Variants in ERBIN observed in about 807,000 individuals in gnomAD.
ERBIN encodes densin-180-like protein.
Under a neutral mutation model 158.4 loss-of-function variants are expected in ERBIN, and 60 were observed. The ratio of observed to expected loss-of-function variants is 0.38; its 90% CI spans 0.31 to 0.47. The LOEUF is 0.47. Among genes scored for constraint, ERBIN ranks in the 20% least tolerant of loss-of-function variants. ERBIN has a pLI of 0.99. For missense variants in ERBIN, 1,610 were observed against 1,648.0 expected (o/e 0.98, Z 0.40); for synonymous variants, 594 against 557.2 (o/e 1.07, Z -0.93).
intron 15 of ERBIN, among the ~76,000 whole-genome samples, chr5:66,041,458 T>C (rs1480033964): frequency 1.3e-5 from 2 of 151,970 alleles, no homozygotes; most frequent in African/African-American, 4.8e-5. Context: ...AGCTAAAATA[T>C]TAGAGTCCTC....
Position 66,054,758 on chromosome 5 carries a change from C to G in ERBIN, c.3440C>G (p.Pro1147Arg). The G allele has an allele frequency of 6.2e-7, 1 of 1,613,980 alleles. No homozygotes were observed. Among genetic ancestry groups the G allele is most frequent in the Non-Finnish European group, 8.5e-7 (1 of 1,179,978 alleles). The change falls in exon 21 of 26, where the codon CCC (proline) becomes CGC (arginine). Residue 1147 changes from proline to arginine, a missense_variant. Coordinates refer to ENST00000284037, the MANE Select transcript of ERBIN (RefSeq NM_001253697.2). ...PNASRPQSAR[P>R]SINEIPERTM... ...GCATCAAGACCTCAGAGTGCTCGAC[C>G]CTCTATTAATGAAATACCAGAGAGA...
At chr5:65,937,084 A>C (rs1470315386) in intron 1 of ERBIN, among the ~76,000 whole-genome samples, 1 of 152,208 alleles carries the variant, frequency 6.6e-6, no homozygotes, top group Non-Finnish European at 1.5e-5. Flanking sequence ...TGAAAAATTA[A>C]ATGTCAATTC....
chr5:65,965,395 T>G (rs1404349432), intron 1 of ERBIN, among the ~76,000 whole-genome samples: 13 of 6,818 alleles, frequency 1.9e-3, no homozygotes, highest in African/African-American at 3.7e-3. Context: ...TTTTTTTTTT[T>G]TTTTTTTTTT....
At chr5:66,032,131 CAA>C (rs1023443200) in intron 14 of ERBIN, among the ~76,000 whole-genome samples, 44 of 152,118 alleles carry the variant, frequency 2.9e-4, no homozygotes, top group African/African-American at 9.7e-4. Flanking sequence ...ATCATTGTGA[CAA>C]GAGTGTAACA....
intron 23 of ERBIN, 164 bp from the exon 24 acceptor site, chr5:66,076,152 A>G (rs1343763108): frequency 3.4e-6 from 2 of 596,196 alleles, no homozygotes; most frequent in Non-Finnish European, 5.8e-6. Flanking sequence ...CATTAACATA[A>G]TATTCTATGT....
intron 1 of ERBIN, among the ~76,000 whole-genome samples, chr5:65,952,087 A>G (rs1402971235): frequency 6.6e-6 from 1 of 152,242 alleles, no homozygotes; most frequent in Non-Finnish European, 1.5e-5. Context: ...GATGACTGCC[A>G]GACAGATGGC....
rs1485469870 is a variant in ERBIN at position 66,078,476 on chromosome 5, A to G, written c.4185A>G (p.Leu1395=). The G allele has an allele frequency of 3.1e-6, 5 of 1,599,366 alleles. No homozygotes were observed. Among genetic ancestry groups the G allele is most frequent in the Admixed American group, 1.8e-5 (1 of 55,808 alleles). Residue 1395 remains leucine, a synonymous_variant, in exon 26 of 26, where the codon CTA becomes CTG. Transcript: ENST00000284037. Reference sequence around the variant, plus strand: ...AACATGGACAAGCAGTGTCCTTGCTAAAAACTTTCCAGAATACAGTTGAAC... The same window carrying G: ...AACATGGACAAGCAGTGTCCTTGCTGAAAACTTTCCAGAATACAGTTGAAC... ...NIEHGQAVSL[L]KTFQNTVELI... is the part of the protein sequence containing the mutation.
chr5:66,053,996 A>G lies in ERBIN; in HGVS notation c.2678A>G (p.Gln893Arg), dbSNP rs936298412. Residue 893 changes from glutamine (Q) to arginine (R), a missense_variant, in exon 21 of 26, where the codon CAG (glutamine) becomes CGG (arginine). This residue lies in a region of ERBIN where 1,014 missense variants were observed against 936.1 expected (regional missense o/e 1.08). Transcript: ENST00000284037. ...IYDILSDNGPQQPSTTVKITS... is the reference protein window; with the variant it reads ...IYDILSDNGPRQPSTTVKITS... ...GATATTCTTAGTGATAATGGACCTC[A>G]GCAGCCAAGTACAACCGTTAAAATC... 2 of 1,614,172 alleles carry G rather than the reference A, an allele frequency of 1.2e-6. No individual in the cohort carries two copies.
rs1284761021 is a variant in ERBIN, at chr5:66,078,911, A to C, written c.*381A>C. The C allele has an allele frequency of 2.2e-5, 4 of 178,522 alleles. No homozygotes were observed. Among genetic ancestry groups the C allele is most frequent in the African/African-American group, 9.6e-5 (4 of 41,760 alleles). The allele number at this position is 178,522 out of a possible 1,614,324, so 11.1% of individuals were successfully genotyped here. A position where few individuals can be genotyped will look rare whatever the true frequency, so the allele number is the denominator to read the frequency against. On this transcript the variant is annotated 3_prime_UTR_variant, in exon 26 of 26. Coordinates refer to ENST00000284037, the MANE Select transcript of ERBIN (RefSeq NM_001253697.2). ...GACAGATGGCAGAGCTATCTCTCTC[A>C]TAGCTTTTATGCCCTTATTTTTATT...
intron 1 of ERBIN, among the ~76,000 whole-genome samples, chr5:65,930,779 A>C (rs1253239666): frequency 1.3e-5 from 2 of 152,186 alleles, no homozygotes; most frequent in African/African-American, 4.8e-5. Flanking sequence ...ATACAGATAT[A>C]TTTCTCTGTT....
intron 15 of ERBIN, among the ~76,000 whole-genome samples, chr5:66,041,330 A>T (rs542148294): frequency 1.7e-4 from 26 of 152,144 alleles, no homozygotes; most frequent in Admixed American, 3.9e-4. Flanking sequence ...GTGCATAGGG[A>T]CATTGGGATT....
intron 1 of ERBIN, among the ~76,000 whole-genome samples, chr5:65,956,046 C>T (rs1747075802): frequency 6.6e-6 from 1 of 152,124 alleles, no homozygotes; most frequent in Non-Finnish European, 1.5e-5. Context: ...TCTGTGGTTT[C>T]AGGTATATTC....
intron 14 of ERBIN, 141 bp from the exon 15 acceptor site, chr5:66,038,233 CCTAAAGTGT>C (rs892439705): frequency 4.8e-6 from 2 of 418,264 alleles, no homozygotes; most frequent in African/African-American, 4.1e-5. Context: ...CAAATCAATG[CCTAAAGTGT>C]TATTGTGTAT....
chr5:66,043,490 G>GT (rs1758119289), intron 16 of ERBIN, among the ~76,000 whole-genome samples: 1 of 151,958 alleles, frequency 6.6e-6, no homozygotes, highest in African/African-American at 2.4e-5. Context: ...TACCCTTTAT[G>GT]TTTAACTTCA....
intron 1 of ERBIN, among the ~76,000 whole-genome samples, chr5:65,984,496 C>A (rs1750997998): frequency 6.6e-6 from 1 of 152,356 alleles, no homozygotes; most frequent in South Asian, 2.1e-4. Context: ...TCATGCCCAC[C>A]CAGGCCTCTG....
At chr5:66,003,025 A>G (rs147086585) in intron 4 of ERBIN, among the ~76,000 whole-genome samples, 1 of 152,354 alleles carries the variant, frequency 6.6e-6, no homozygotes, top group Non-Finnish European at 1.5e-5. Context: ...GCCCTACCAT[A>G]GCGTAGGCAT....
intron 19 of ERBIN, among the ~76,000 whole-genome samples, chr5:66,049,501 T>A (rs1260944881): frequency 6.6e-6 from 1 of 152,124 alleles, no homozygotes; most frequent in Non-Finnish European, 1.5e-5. Context: ...TTTTACGTGT[T>A]ATTATCTAAT....
At chr5:65,939,495 G>T (rs888917779) in intron 1 of ERBIN, among the ~76,000 whole-genome samples, 4 of 151,472 alleles carry the variant, frequency 2.6e-5, no homozygotes, top group African/African-American at 9.7e-5. Context: ...ACCAAGAGAG[G>T]TGCCTCCGCT....
At chr5:65,953,137 TTAC>T (rs1182508726) in intron 1 of ERBIN, among the ~76,000 whole-genome samples, 4 of 152,208 alleles carry the variant, frequency 2.6e-5, no homozygotes, top group African/African-American at 7.2e-5. Context: ...CCACTGCTCG[TTAC>T]TACAATTAAG....
Sources: allele counts gnomAD v4.1 joint callset (sites outside exome capture counted in the v4.1 genomes callset), GRCh38; gene constraint gnomAD v4.1.1; regional missense constraint gnomAD v4.1.1; transcripts MANE v1.5; gene names NCBI Gene and HGNC (gene_info 2026-07-23, HGNC 2026-07-21).